Variants in TENM4 observed in about 807,000 individuals in gnomAD.
TENM4 encodes the protein teneurin transmembrane protein 4, also known as teneurin-4.
TENM4 carries 82 observed loss-of-function variants against 243.3 expected under a neutral mutation model. That is an observed-to-expected ratio of 0.34 (90% CI 0.28 to 0.40). The LOEUF (loss-of-function observed/expected upper bound fraction) is 0.40, where lower values mean the gene tolerates loss of function less well. Among genes scored for constraint, TENM4 ranks in the 10% least tolerant of loss-of-function variants. The probability of loss-of-function intolerance (pLI) is 1.00; values close to 1 mark genes in which losing one functional copy is unlikely to be tolerated. For synonymous variants in TENM4, 1,412 were observed against 1,456.3 expected (o/e 0.97, Z 0.69); for missense variants, 3,138 against 3,673.3 (o/e 0.85, Z 3.77).
At chr11:78,925,119 C>T (rs929806237) in intron 6 of TENM4, among the ~76,000 whole-genome samples, 4 of 152,182 alleles carry the variant, frequency 2.6e-5, no homozygotes, top group African/African-American at 9.7e-5. Flanking sequence ...TATTCTAACT[C>T]TGATCTCTTG....
intron 24 of TENM4, 119 bp from the exon 25 acceptor site, chr11:78,720,509 A>T: frequency 1.0e-6 from 1 of 997,722 alleles, no homozygotes; most frequent in East Asian, 2.4e-5. Context: ...TACTGTAATA[A>T]ATAAAGACTT....
intron 4 of TENM4, among the ~76,000 whole-genome samples, chr11:79,131,343 A>C (rs1861999434): frequency 6.6e-6 from 1 of 152,240 alleles, no homozygotes; most frequent in Admixed American, 6.5e-5. Flanking sequence ...AGCAGAAACC[A>C]TACAAGCCAG....
intron 15 of TENM4, among the ~76,000 whole-genome samples, chr11:78,796,807 T>C (rs1417536270): frequency 6.6e-6 from 1 of 152,234 alleles, no homozygotes; most frequent in South Asian, 2.1e-4. Context: ...CCCATCTTTG[T>C]ATATGTTGCA....
intron 2 of TENM4, among the ~76,000 whole-genome samples, chr11:79,223,709 C>T (rs1336818782): frequency 6.6e-6 from 1 of 152,190 alleles, no homozygotes; most frequent in Non-Finnish European, 1.5e-5. Context: ...ACCCCACTGT[C>T]TTCCATGGCT....
intron 3 of TENM4, among the ~76,000 whole-genome samples, chr11:79,172,165 G>T (rs893081014): frequency 6.6e-6 from 1 of 152,028 alleles, no homozygotes; most frequent in African/African-American, 2.4e-5. Context: ...CGTTTCCCAG[G>T]CTGGTCTGAA....
At chr11:78,796,281 C>T (rs1857158054) in intron 15 of TENM4, among the ~76,000 whole-genome samples, 1 of 152,042 alleles carries the variant, frequency 6.6e-6, no homozygotes, top group African/African-American at 2.4e-5. Flanking sequence ...AGGAGGCCTC[C>T]AAATAGGAGC....
At chr11:78,898,153 C>A (rs1398517384) in intron 7 of TENM4, among the ~76,000 whole-genome samples, 1 of 152,150 alleles carries the variant, frequency 6.6e-6, no homozygotes, top group African/African-American at 2.4e-5. Context: ...AACATCTTAC[C>A]CCAGCTCAAA....
chr11:79,104,552 A>T (rs1861315228), intron 4 of TENM4, among the ~76,000 whole-genome samples: 1 of 152,202 alleles, frequency 6.6e-6, no homozygotes, highest in African/African-American at 2.4e-5. Flanking sequence ...ACTGGTTTTA[A>T]AGGAGGCATG....
chr11:79,340,507 C>T (rs1013391995), intron 1 of TENM4, among the ~76,000 whole-genome samples: 10 of 152,188 alleles, frequency 6.6e-5, no homozygotes, highest in African/African-American at 2.4e-4. Flanking sequence ...TCAAGATTTC[C>T]TGCACGGGAC....
In TENM4 at chr11:78,683,322, G is replaced by T. The variant is rs570296091; in HGVS notation, c.5260+4732C>A. ...GGGCTCCACCCAGTTCGAGCTTCGCGGCTGCTTTGTTTACCTAAGCGAGCC... is the reference window on the plus strand; with the variant it reads ...GGGCTCCACCCAGTTCGAGCTTCGCTGCTGCTTTGTTTACCTAAGCGAGCC... On this transcript the variant is annotated intron_variant, in intron 29 of 33. Coordinates refer to ENST00000278550, the MANE Select transcript of TENM4 (RefSeq NM_001098816.3). 8.1e-5 allele frequency among the ~76,000 whole-genome samples: 6 copies of T among 74,268 alleles called. 2 individuals are homozygous for T. Among genetic ancestry groups the T allele is most frequent in the African/African-American group, 3.6e-4 (5 of 14,018 alleles). The allele number at this position is 74,268 out of a possible 152,430, so 48.7% of individuals were successfully genotyped here.
At chr11:78,744,155 C>A (rs1346019180) in intron 19 of TENM4, among the ~76,000 whole-genome samples, 6 of 152,224 alleles carry the variant, frequency 3.9e-5, no homozygotes, top group African/African-American at 1.4e-4. Flanking sequence ...ACTTCAGAGC[C>A]TGTTAAATTA....
chr11:79,316,340 A>G (rs1463087278), intron 1 of TENM4, among the ~76,000 whole-genome samples: 1 of 152,208 alleles, frequency 6.6e-6, no homozygotes, highest in Non-Finnish European at 1.5e-5. Context: ...TGGTTTCGAC[A>G]TCTTTTACCA....
chr11:79,135,394 T>C (rs1192765622), intron 4 of TENM4, among the ~76,000 whole-genome samples: 2 of 151,622 alleles, frequency 1.3e-5, no homozygotes, highest in Non-Finnish European at 2.9e-5. Flanking sequence ...ACTTCTACAC[T>C]GCTGGTGGGA....
chr11:78,934,687 G>A (rs1237016682), intron 6 of TENM4, among the ~76,000 whole-genome samples: 1 of 152,168 alleles, frequency 6.6e-6, no homozygotes, highest in African/African-American at 2.4e-5. Context: ...ATTACCTAGA[G>A]CAAGCTCACC....
chr11:79,409,099 T>TGC (rs1317035187), intron 1 of TENM4, among the ~76,000 whole-genome samples: 85 of 101,090 alleles, frequency 8.4e-4, no homozygotes, highest in Non-Finnish European at 1.0e-3. Context: ...TGTGTGTGTG[T>TGC]GTGCGCGCGC....
chr11:79,223,308 T>C (rs1864200464), intron 2 of TENM4, among the ~76,000 whole-genome samples: 1 of 152,214 alleles, frequency 6.6e-6, no homozygotes, highest in Non-Finnish European at 1.5e-5. Flanking sequence ...ATGAAGTTTA[T>C]GCTATCTGTG....
chr11:79,133,727 CGT>C (rs1292561549), intron 4 of TENM4, among the ~76,000 whole-genome samples: 1 of 152,034 alleles, frequency 6.6e-6, no homozygotes, highest in Non-Finnish European at 1.5e-5. Flanking sequence ...TGCTACACCA[CGT>C]AAACAGAATT....
intron 13 of TENM4, 33 bp downstream of exon 13, chr11:78,814,261 C>G (rs766145253): frequency 6.5e-5 from 101 of 1,543,412 alleles, no homozygotes; most frequent in Non-Finnish European, 8.5e-5. Flanking sequence ...GTCTGGGAAG[C>G]AGAAATCCAG....
At chr11:79,094,932 G>C (rs1861043477) in intron 4 of TENM4, among the ~76,000 whole-genome samples, 1 of 152,214 alleles carries the variant, frequency 6.6e-6, no homozygotes, top group African/African-American at 2.4e-5. Context: ...CATTAGTCTA[G>C]AGATGTGTCA....
Sources: gnomAD v4.1 joint callset for allele counts (sites outside exome capture counted in the v4.1 genomes callset) on GRCh38, gnomAD v4.1.1 for gene constraint, MANE v1.5 for transcripts, NCBI Gene and HGNC (gene_info 2026-07-23, HGNC 2026-07-21) for gene names.